The following NPAS3 variants were observed in gnomAD, a reference collection of about 807,000 sequenced individuals.
NPAS3 encodes the protein neuronal PAS domain protein 3.
NPAS3 carries 14 observed loss-of-function variants against 73.1 expected under a neutral mutation model. The observed-to-expected ratio is 0.19, with a 90% CI of 0.13 to 0.30. NPAS3 has a LOEUF of 0.30. Ranked by LOEUF, NPAS3 falls within the 10% of genes least tolerant of loss-of-function variation. NPAS3 has a pLI of 1.00. For missense variants in NPAS3, 1,096 were observed against 1,250.0 expected (o/e 0.88, Z 1.86); for synonymous variants, 620 against 541.5 (o/e 1.14, Z -2.01).
chr14:33,089,492 G>A (rs955244400), intron 2 of NPAS3, among the ~76,000 whole-genome samples: 5 of 152,144 alleles, frequency 3.3e-5, no homozygotes, highest in Non-Finnish European at 7.4e-5. Context: ...AGAAATATGG[G>A]ACTATGTGAA....
chr14:33,774,366 G>T (rs751465666), exon 8 of NPAS3: 2 of 1,613,998 alleles, frequency 1.2e-6, no homozygotes, highest in Non-Finnish European at 8.5e-7. Context: ...GGCTACGCCT[G>T]AGAGTGTCGC....
At chr14:33,172,138 T>C (rs116814246) in intron 2 of NPAS3, among the ~76,000 whole-genome samples, 2,169 of 152,062 alleles carry the variant, frequency 0.014, 48 homozygotes, top group African/African-American at 0.05. Flanking sequence ...ATAATAATAA[T>C]GAAAAAGTTT....
downstream of NPAS3, chr14:33,801,395 T>C (rs2063712108): frequency 2.1e-6 from 1 of 470,980 alleles, no homozygotes; most frequent in Non-Finnish European, 3.8e-6. Flanking sequence ...TTTATTAAGA[T>C]GTCTTTCATG....
intron 4 of NPAS3, among the ~76,000 whole-genome samples, chr14:33,399,288 GTC>G (rs1293143158): frequency 6.6e-5 from 10 of 152,092 alleles, no homozygotes; most frequent in Admixed American, 5.9e-4. Context: ...CATGGAGAGA[GTC>G]TGACATTACA....
At chr14:33,136,273 C>A (rs1958016) in intron 2 of NPAS3, among the ~76,000 whole-genome samples, 117,827 of 151,374 alleles carry the variant, frequency 0.78, 46,405 homozygotes, top group African/African-American at 0.86. Flanking sequence ...GTTGGCCAGG[C>A]TGGTCTCAAT....
At chr14:33,517,776 G>T (rs759378410) in intron 4 of NPAS3, among the ~76,000 whole-genome samples, 2 of 151,920 alleles carry the variant, frequency 1.3e-5, no homozygotes, top group Non-Finnish European at 2.9e-5. Context: ...TCTAGTTCCC[G>T]CCCCCAGGCC....
intron 4 of NPAS3, among the ~76,000 whole-genome samples, chr14:33,389,466 T>C (rs1003619262): frequency 1.1e-4 from 17 of 152,282 alleles, no homozygotes; most frequent in Admixed American, 9.2e-4. Context: ...TATTAAATAT[T>C]ATGTTCAACC....
chr14:33,443,629 A>C (rs36042746), intron 4 of NPAS3, among the ~76,000 whole-genome samples: 7,551 of 152,282 alleles, frequency 0.05, 243 homozygotes, highest in South Asian at 0.094. Context: ...GGCATTATCC[A>C]AACAGATTTC....
chr14:33,480,950 G>C (rs1174129348), intron 4 of NPAS3, among the ~76,000 whole-genome samples: 2 of 152,010 alleles, frequency 1.3e-5, no homozygotes, highest in African/African-American at 4.8e-5. Flanking sequence ...GGAGAGGAGG[G>C]AGAGAGAGAA....
At chr14:32,959,976 AT>A (rs61262665) in intron 1 of NPAS3, among the ~76,000 whole-genome samples, 32,580 of 131,162 alleles carry the variant, frequency 0.25, 3,536 homozygotes, top group Middle Eastern at 0.36. Flanking sequence ...GTGAGTTTCA[AT>A]TTTTTTTTTT....
chr14:33,626,925 A>G (rs978973000), intron 5 of NPAS3, among the ~76,000 whole-genome samples: 2 of 152,196 alleles, frequency 1.3e-5, no homozygotes, highest in African/African-American at 4.8e-5. Flanking sequence ...TGTTAAGGGT[A>G]CTATACTCAA....
At chr14:33,121,674 T>G (rs2139039009) in intron 2 of NPAS3, among the ~76,000 whole-genome samples, 1 of 152,260 alleles carries the variant, frequency 6.6e-6, no homozygotes, top group East Asian at 1.9e-4. Context: ...TATTGTTCTC[T>G]TCTGAGAGAA....
At chr14:33,538,418 A>G (rs2139614546) in intron 4 of NPAS3, among the ~76,000 whole-genome samples, 1 of 152,342 alleles carries the variant, frequency 6.6e-6, no homozygotes, top group African/African-American at 2.4e-5. Flanking sequence ...AAAACATAAT[A>G]AAACTCCGAT....
At chr14:33,288,757 C>T (rs2041979273) in intron 3 of NPAS3, among the ~76,000 whole-genome samples, 1 of 152,074 alleles carries the variant, frequency 6.6e-6, no homozygotes, top group African/African-American at 2.4e-5. Flanking sequence ...CTGCTTATTA[C>T]ATTTACTTTT....
intron 10 of NPAS3, among the ~76,000 whole-genome samples, chr14:33,795,309 G>C (rs944056804): frequency 6.6e-6 from 1 of 152,106 alleles, no homozygotes; most frequent in African/African-American, 2.4e-5. Flanking sequence ...AAAGGTAAAA[G>C]TATGTGTATT....
chr14:33,306,387 C>A (rs1226276986), intron 3 of NPAS3, among the ~76,000 whole-genome samples: 1 of 152,190 alleles, frequency 6.6e-6, no homozygotes, highest in Non-Finnish European at 1.5e-5. Flanking sequence ...CAATTTAACT[C>A]AACATTTGCA....
intron 1 of NPAS3, among the ~76,000 whole-genome samples, chr14:33,037,954 G>A (rs903666356): frequency 2.0e-5 from 3 of 152,142 alleles, no homozygotes; most frequent in Non-Finnish European, 4.4e-5. Flanking sequence ...CAGAGGCATC[G>A]GGTCTATAGA....
intron 3 of NPAS3, among the ~76,000 whole-genome samples, chr14:33,231,772 G>C (rs1194276202): frequency 6.6e-6 from 1 of 152,056 alleles, no homozygotes; most frequent in Non-Finnish European, 1.5e-5. Context: ...ATCTAAGTAA[G>C]GGGGAAAAGA....
Position 33,538,961 on chromosome 14 carries a change from A to G in NPAS3, c.469-21160A>G, listed in dbSNP as rs1459299817. On this transcript the variant is annotated intron_variant, in intron 4 of 11. Transcript: ENST00000356141. ...ACAAAGCATTTGTGATTTTATCTTTATTTTATTTGCTTTTGAGTTGTTTAC... is the reference window on the plus strand; with the variant it reads ...ACAAAGCATTTGTGATTTTATCTTTGTTTTATTTGCTTTTGAGTTGTTTAC... Among the ~76,000 whole-genome samples, 7 of 152,046 alleles carry G rather than the reference A, an allele frequency of 4.6e-5. No homozygotes were observed. The East Asian group carries it at 1.3e-3, about 29-fold the overall frequency.
Sources: gnomAD v4.1 joint callset for allele counts (sites outside exome capture counted in the v4.1 genomes callset) on GRCh38, gnomAD v4.1.1 for gene constraint, MANE v1.5 for transcripts, NCBI Gene and HGNC (gene_info 2026-07-23, HGNC 2026-07-21) for gene names.